Variants in TNC observed in about 807,000 individuals in gnomAD.
TNC encodes tenascin C, also known as tenascin.
TNC carries 109 observed loss-of-function variants against 202.4 expected under a neutral mutation model. The observed-to-expected ratio is 0.54, with a 90% confidence interval of 0.46 to 0.63. The LOEUF (loss-of-function observed/expected upper bound fraction) is 0.63. Ranked by LOEUF, TNC falls within the 30% of genes least tolerant of loss-of-function variation. The pLI is 0.00. For synonymous variants in TNC, 1,007 were observed against 1,089.7 expected (o/e 0.92, Z 1.50); for missense variants, 2,756 against 2,833.3 (o/e 0.97, Z 0.62).
chr9:115,036,560 G>A (rs1460717287), intron 20 of TNC, among the ~76,000 whole-genome samples: 2 of 152,148 alleles, frequency 1.3e-5, no homozygotes, highest in Non-Finnish European at 2.9e-5. Flanking sequence ...GTAGAGGACG[G>A]TCGGAGGGGA....
At chr9:115,113,785 A>G (rs1475852887) in intron 1 of TNC, among the ~76,000 whole-genome samples, 2 of 152,206 alleles carry the variant, frequency 1.3e-5, no homozygotes, top group African/African-American at 2.4e-5. Flanking sequence ...AAAAATGCAC[A>G]TGGAAGGGAT....
rs763227771 is a variant in TNC, at chr9:115,035,207, G to A, written c.5784C>T (p.Val1928=). 5.6e-6 allele frequency: 9 copies of A among 1,609,986 alleles called. No homozygotes were observed. Among genetic ancestry groups the A allele is most frequent in the Non-Finnish European group, 7.6e-6 (9 of 1,178,388 alleles). Residue 1928 remains valine, a synonymous_variant, in exon 22 of 28, where the codon GTC becomes GTT. Transcript: ENST00000350763. ...AGTTGTTATATACTTAAAATACCTT[G>A]ACTGTGCCATCCACTGATTCATAGA... is the stretch of plus-strand genomic sequence containing the variant. ...LLVYESVDGT[V]KEVIVGPDTT...
chr9:115,098,469 G>A (rs1042683631), intron 1 of TNC, among the ~76,000 whole-genome samples: 1 of 152,182 alleles, frequency 6.6e-6, no homozygotes, highest in Non-Finnish European at 1.5e-5. Context: ...ATCATTGCTA[G>A]ACGAAGAAAT....
At chr9:115,062,874 C>T (rs752674177) in intron 13 of TNC, 43 bp downstream of exon 13, 50 of 1,583,830 alleles carry the variant, frequency 3.2e-5, no homozygotes, top group Non-Finnish European at 4.1e-5. Flanking sequence ...CAATGACATG[C>T]TGGCTCCTAT....
chr9:115,031,612 T>C lies in TNC; in HGVS notation c.5861A>G (p.Lys1954Arg). ...CAGGGGCCCATTGAGTGCCTGGATC[T>C]TGGCTGTGTAGTGGGTGGATGGGCT... ...DLSPSTHYTAKIQALNGPLRS... is the reference protein window; with the variant it reads ...DLSPSTHYTARIQALNGPLRS... Residue 1954 changes from lysine to arginine, a missense_variant, in exon 23 of 28, where the codon AAG (lysine) becomes AGG (arginine). Around this residue, in one of 2 missense-constraint regions of TNC, gnomAD observed 2,559 missense variants for 2,546.0 expected, o/e 1.01. Coordinates refer to ENST00000350763, the MANE Select transcript of TNC (RefSeq NM_002160.4). The C allele has an allele frequency of 6.2e-7, 1 of 1,612,194 alleles. No individual in the cohort carries two copies.
At chr9:115,032,702 T>C (rs1327106714) in intron 22 of TNC, among the ~76,000 whole-genome samples, 1 of 152,206 alleles carries the variant, frequency 6.6e-6, no homozygotes, top group Non-Finnish European at 1.5e-5. Context: ...AATAGCCCCA[T>C]AGGCATGGTA....
At chr9:115,028,611 A>G (rs530718179) in intron 25 of TNC, among the ~76,000 whole-genome samples, 1 of 152,222 alleles carries the variant, frequency 6.6e-6, no homozygotes, top group South Asian at 2.1e-4. Flanking sequence ...TGGGACCCCA[A>G]TTTAACTCTG....
intron 24 of TNC, among the ~76,000 whole-genome samples, chr9:115,029,874 A>G (rs1442499514): frequency 6.6e-6 from 1 of 152,206 alleles, no homozygotes; most frequent in African/African-American, 2.4e-5. Context: ...TCCTATGGTA[A>G]TGGGGTCGGA....
chr9:115,079,796 C>A (rs879520757), intron 6 of TNC, among the ~76,000 whole-genome samples: 5 of 152,182 alleles, frequency 3.3e-5, no homozygotes, highest in Admixed American at 6.5e-5. Flanking sequence ...AAAGCCCATC[C>A]TTTTCCCCCT....
At chr9:115,113,684 T>C (rs1003612691) in intron 1 of TNC, among the ~76,000 whole-genome samples, 3 of 152,192 alleles carry the variant, frequency 2.0e-5, no homozygotes, top group African/African-American at 7.2e-5. Flanking sequence ...GGCTATATCA[T>C]GAAGGACCTA....
chr9:115,032,203 G>A (rs905779562), intron 22 of TNC, among the ~76,000 whole-genome samples: 3 of 152,056 alleles, frequency 2.0e-5, no homozygotes, highest in Admixed American at 2.0e-4. Flanking sequence ...AATAATATAA[G>A]GAGGCAATAA....
rs749559914 is a variant in TNC at position 115,076,026 on chromosome 9, C to T, written c.2950+6G>A. On this transcript the variant is annotated splice_donor_region_variant and intron_variant, in intron 9 of 27. Transcript: ENST00000350763. Reference sequence around the variant, plus strand: ...CAGTGGGATGGGAATTCCAGGTGTGCCCCACCTGTGGCTGCGTTGATGGTC... The same window carrying T: ...CAGTGGGATGGGAATTCCAGGTGTGTCCCACCTGTGGCTGCGTTGATGGTC... The T allele has an allele frequency of 5.0e-6, 8 of 1,611,806 alleles. No homozygotes were observed. Among genetic ancestry groups the T allele is most frequent in the East Asian group, 2.2e-5 (1 of 44,876 alleles).
chr9:115,024,735 TA>T (rs1168274090), intron 26 of TNC, among the ~76,000 whole-genome samples: 1 of 152,228 alleles, frequency 6.6e-6, no homozygotes. Flanking sequence ...ATCACATAGT[TA>T]CTTTTTAAAG....
rs1831294704 is a variant in TNC, at chr9:115,047,491, G to A, written c.4852+769C>T. 1.3e-5 allele frequency among the ~76,000 whole-genome samples: 2 copies of A among 152,068 alleles called. 1 individual carries two copies. Among genetic ancestry groups the A allele is most frequent in the African/African-American group, 4.8e-5 (2 of 41,408 alleles). On this transcript the variant is annotated intron_variant, in intron 16 of 27. Transcript: ENST00000350763. Reference sequence around the variant, plus strand: ...AAGTATCCTTTGTCAAATAAGTTTGGAAAATACTGCCTGGATAAGTACTTC... The same window carrying A: ...AAGTATCCTTTGTCAAATAAGTTTGAAAAATACTGCCTGGATAAGTACTTC...
At chr9:115,061,468 G>T (rs1006451782) in intron 13 of TNC, among the ~76,000 whole-genome samples, 2 of 152,200 alleles carry the variant, frequency 1.3e-5, no homozygotes, top group Non-Finnish European at 2.9e-5. Flanking sequence ...GCGGACTACA[G>T]AGGAAGATAT....
intron 22 of TNC, among the ~76,000 whole-genome samples, chr9:115,032,705 G>C (rs1229628011): frequency 6.6e-6 from 1 of 152,124 alleles, no homozygotes; most frequent in Non-Finnish European, 1.5e-5. Flanking sequence ...AGCCCCATAG[G>C]CATGGTAGGA....
At chr9:115,057,123 T>G in intron 15 of TNC, 30 bp downstream of exon 15, 1 of 1,581,242 alleles carries the variant, frequency 6.3e-7, no homozygotes, top group Non-Finnish European at 8.6e-7. Flanking sequence ...GTGGAGAGAG[T>G]GCGTTAGAAA....
In TNC at chr9:115,059,842, G is replaced by T. The variant is rs1313761069; in HGVS notation, c.4194C>A (p.Ser1398Arg). The T allele has an allele frequency of 4.3e-6, 7 of 1,613,982 alleles. No individual in the cohort carries two copies. Among genetic ancestry groups the T allele is most frequent in the Non-Finnish European group, 5.9e-6 (7 of 1,180,024 alleles). Residue 1398 changes from serine (S) to arginine (R), a missense_variant, in exon 14 of 28, where the codon AGC becomes AGA. Around this residue, in one of 2 missense-constraint regions of TNC, gnomAD observed 2,559 missense variants for 2,546.0 expected, o/e 1.01. Transcript: ENST00000350763. ...GGCCCGGGATGTCCACAGCCCTGAG[G>T]CTGCCAGGCAACGTGAGGTTCTGGG... is the stretch of plus-strand genomic sequence containing the variant. Reference protein sequence around the residue: ...EAAQNLTLPGSLRAVDIPGLE... With the variant: ...EAAQNLTLPGRLRAVDIPGLE...
chr9:115,091,040 G>T lies in TNC; in HGVS notation c.-22C>A. The T allele has an allele frequency of 6.3e-7, 1 of 1,598,580 alleles. No individual in the cohort carries two copies. Among genetic ancestry groups the T allele is most frequent in the South Asian group, 1.1e-5 (1 of 90,790 alleles). On this transcript the variant is annotated 5_prime_UTR_variant, in exon 2 of 28. Transcript: ENST00000350763. ...CCATGGTGGAGGTGGGTTTGGCTGG[G>T]TGCTGCTGGGGCTCTAGGGCTCTAG...
Sources: allele counts gnomAD v4.1 joint callset (sites outside exome capture counted in the v4.1 genomes callset), GRCh38; gene constraint gnomAD v4.1.1; regional missense constraint gnomAD v4.1.1; transcripts MANE v1.5; gene names NCBI Gene and HGNC (gene_info 2026-07-23, HGNC 2026-07-21).